ADGRL3: variants seen among roughly 807,000 people sequenced by gnomAD.
ADGRL3 encodes the protein calcium-independent alpha-latrotoxin receptor 3.
A neutral mutation model predicts 153.5 loss-of-function variants in ADGRL3; 62 were observed. The observed-to-expected ratio is 0.40, with a 90% confidence interval of 0.33 to 0.50. The LOEUF (loss-of-function observed/expected upper bound fraction) is 0.50, where lower values mean the gene tolerates loss of function less well. ADGRL3 is among the 20% of genes least tolerant of loss of function. ADGRL3 has a pLI of 0.47. For synonymous variants in ADGRL3, 710 were observed against 672.5 expected (o/e 1.06, Z -0.86); for missense variants, 1,641 against 1,859.4 (o/e 0.88, Z 2.16).
intron 2 of ADGRL3, among the ~76,000 whole-genome samples, chr4:61,453,180 T>C (rs1169738592): frequency 6.6e-6 from 1 of 152,128 alleles, no homozygotes; most frequent in Non-Finnish European, 1.5e-5. Context: ...TGAAGGACAC[T>C]GAACTTTATT....
chr4:61,368,868 A>G (rs544880239), intron 1 of ADGRL3, among the ~76,000 whole-genome samples: 7 of 151,736 alleles, frequency 4.6e-5, no homozygotes, highest in Admixed American at 2.0e-4. Context: ...TGAGCATGGA[A>G]TGTTCTTCCA....
intron 4 of ADGRL3, among the ~76,000 whole-genome samples, chr4:61,540,240 A>G (rs543987807): frequency 1.3e-5 from 2 of 152,132 alleles, no homozygotes; most frequent in African/African-American, 4.8e-5. Context: ...TTTAAACCCC[A>G]ATACTGAGTT....
intron 5 of ADGRL3, among the ~76,000 whole-genome samples, chr4:61,619,921 T>C (rs2092375933): frequency 6.6e-6 from 1 of 152,196 alleles, no homozygotes; most frequent in Non-Finnish European, 1.5e-5. Context: ...TAACGGCAAA[T>C]AGTTAAAATT....
chr4:61,679,466 A>G (rs1031200657), intron 6 of ADGRL3, among the ~76,000 whole-genome samples: 6 of 152,098 alleles, frequency 3.9e-5, no homozygotes, highest in African/African-American at 1.4e-4. Flanking sequence ...TCCCTGATCT[A>G]TTAATAAATT....
intron 2 of ADGRL3, among the ~76,000 whole-genome samples, chr4:61,432,634 CT>C (rs1216466263): frequency 6.1e-5 from 2 of 32,588 alleles, no homozygotes; most frequent in African/African-American, 1.9e-4. Context: ...TTCTTTCTTT[CT>C]TTCTTTCTTT....
intron 8 of ADGRL3, among the ~76,000 whole-genome samples, chr4:61,739,179 T>C (rs774665296): frequency 6.6e-6 from 1 of 152,202 alleles, no homozygotes; most frequent in Non-Finnish European, 1.5e-5. Context: ...ATTTCACATA[T>C]TAAGGAAAAT....
chr4:61,290,138 A>G (rs1279855232), intron 1 of ADGRL3, among the ~76,000 whole-genome samples: 1 of 152,080 alleles, frequency 6.6e-6, no homozygotes, highest in Non-Finnish European at 1.5e-5. Context: ...GAAAGCTTTG[A>G]ACATATACTA....
intron 9 of ADGRL3, among the ~76,000 whole-genome samples, chr4:61,857,054 C>T (rs970765632): frequency 6.7e-6 from 1 of 148,194 alleles, no homozygotes; most frequent in Non-Finnish European, 1.5e-5. Flanking sequence ...TTCTCCCTCC[C>T]TCCCTCTCTC....
At chr4:61,241,821 A>G (rs1319466143) in intron 1 of ADGRL3, among the ~76,000 whole-genome samples, 2 of 152,080 alleles carry the variant, frequency 1.3e-5, no homozygotes, top group African/African-American at 2.4e-5. Context: ...TTTGGGAGAA[A>G]TATATTTTAT....
intron 6 of ADGRL3, among the ~76,000 whole-genome samples, chr4:61,728,000 G>A (rs372780087): frequency 9.2e-4 from 140 of 152,208 alleles, no homozygotes; most frequent in African/African-American, 3.0e-3. Flanking sequence ...TTTATTCAGT[G>A]AAGGGAAGCT....
At chr4:61,872,540 AGG>A (rs1370736690) in intron 9 of ADGRL3, among the ~76,000 whole-genome samples, 1 of 151,428 alleles carries the variant, frequency 6.6e-6, no homozygotes, top group East Asian at 1.9e-4. Flanking sequence ...TATAATTTGT[AGG>A]ATTAATTTAT....
At chr4:61,940,697 C>G (rs1202252272) in intron 15 of ADGRL3, among the ~76,000 whole-genome samples, 12 of 8,726 alleles carry the variant, frequency 1.4e-3, no homozygotes, top group Admixed American at 2.2e-3. Context: ...ATGAGCATTT[C>G]TTCATGTGTT....
chr4:61,977,998 C>T (rs1399726931), intron 17 of ADGRL3, among the ~76,000 whole-genome samples: 1 of 152,038 alleles, frequency 6.6e-6, no homozygotes, highest in Non-Finnish European at 1.5e-5. Context: ...TCTTTATGTC[C>T]ATGAATACTC....
chr4:61,720,658 T>A (rs932530159), intron 6 of ADGRL3, among the ~76,000 whole-genome samples: 2 of 152,196 alleles, frequency 1.3e-5, no homozygotes, highest in East Asian at 3.9e-4. Flanking sequence ...TGTGCTCTGG[T>A]GAGAAGCCTG....
At chr4:61,860,621 C>T (rs991630897) in intron 9 of ADGRL3, among the ~76,000 whole-genome samples, 5 of 152,084 alleles carry the variant, frequency 3.3e-5, no homozygotes, top group African/African-American at 7.2e-5. Flanking sequence ...ATCCACTCTA[C>T]TCCATCTGCG....
At chr4:61,432,624 T>C (rs549559689) in intron 2 of ADGRL3, among the ~76,000 whole-genome samples, 7 of 82,924 alleles carry the variant, frequency 8.4e-5, no homozygotes, top group Non-Finnish European at 1.6e-4. Flanking sequence ...CTTTCTTTCT[T>C]TCTTTCTTTC....
chr4:61,900,610 T>A (rs954182019), intron 11 of ADGRL3, among the ~76,000 whole-genome samples: 1 of 151,930 alleles, frequency 6.6e-6, no homozygotes, highest in East Asian at 1.9e-4. Context: ...GGACCTTTAC[T>A]CCAGCAATGA....
At chr4:61,233,486 G>A (rs1206675512) in intron 1 of ADGRL3, among the ~76,000 whole-genome samples, 1 of 152,126 alleles carries the variant, frequency 6.6e-6, no homozygotes, top group East Asian at 1.9e-4. Flanking sequence ...CTGAGATTGA[G>A]TGGGAGGCAT....
At chr4:61,470,141 T>G (rs1335172335) in intron 2 of ADGRL3, among the ~76,000 whole-genome samples, 3 of 152,040 alleles carry the variant, frequency 2.0e-5, no homozygotes, top group Non-Finnish European at 4.4e-5. Context: ...ATTAACATAA[T>G]TTGCATTACT....
Sources: gnomAD v4.1 joint callset for allele counts (sites outside exome capture counted in the v4.1 genomes callset) on GRCh38, gnomAD v4.1.1 for gene constraint, MANE v1.5 for transcripts, NCBI Gene and HGNC (gene_info 2026-07-23, HGNC 2026-07-21) for gene names.